The following RASSF1 variants were observed in gnomAD, a reference collection of about 807,000 sequenced individuals.
The protein encoded by RASSF1 is ras association domain-containing protein 1.
RASSF1 carries 33 observed loss-of-function variants against 34.3 expected under a neutral mutation model. That is an observed-to-expected ratio of 0.96 (90% CI 0.73 to 1.29). The LOEUF (loss-of-function observed/expected upper bound fraction) is 1.29. RASSF1 is among the 50% of genes most tolerant of loss of function. The probability of loss-of-function intolerance (pLI) is 0.00; values close to 1 mark genes in which losing one functional copy is unlikely to be tolerated. For synonymous variants in RASSF1, 191 were observed against 195.0 expected (o/e 0.98, Z 0.17); for missense variants, 445 against 471.8 (o/e 0.94, Z 0.53).
At chr3:50,334,477 C>T (rs970796928) in intron 2 of RASSF1, among the ~76,000 whole-genome samples, 21 of 152,134 alleles carry the variant, frequency 1.4e-4, no homozygotes, top group African/African-American at 3.9e-4. Flanking sequence ...AGTACACCAA[C>T]GGGAAGAAGT....
intron 2 of RASSF1, chr3:50,337,236 G>A: frequency 6.2e-7 from 1 of 1,613,162 alleles, no homozygotes; most frequent in South Asian, 1.1e-5. Context: ...CGAGCTCCGA[G>A]TCCGAGTCCT....
chr3:50,332,832 C>T (rs1187451115), intron 2 of RASSF1, among the ~76,000 whole-genome samples: 4 of 152,022 alleles, frequency 2.6e-5, no homozygotes, highest in East Asian at 3.8e-4. Flanking sequence ...CGTTGGCTCA[C>T]GCCTGTAATT....
In RASSF1 at chr3:50,331,598, T is replaced by TG. The variant is rs1344805750; in HGVS notation, c.720dup (p.Lys241GlnfsTer6). 6.2e-7 allele frequency: 1 copy of TG among 1,602,596 alleles called. No homozygotes were observed. Among genetic ancestry groups the TG allele is most frequent in the Non-Finnish European group, 8.5e-7 (1 of 1,170,552 alleles). ...TCAGCGCGCTCAAAGAGTGCAAACT[T>TG]GCGGGGGTCATCCACCACCAAGAAC... On this transcript the variant is annotated frameshift_variant, in exon 4 of 6. Coordinates refer to ENST00000359365, the MANE Select transcript of RASSF1 (RefSeq NM_007182.5). LOFTEE classifies it high-confidence loss of function.
In RASSF1 at chr3:50,330,469, C is replaced by G; in HGVS notation, c.*112G>C. On this transcript the variant is annotated 3_prime_UTR_variant, in exon 6 of 6. Transcript: ENST00000359365. This position sits in a 1 kb window ranked among gnomAD's most constrained non-coding sequence, Gnocchi z 4.5. The stretch of plus-strand genomic sequence containing the variant: ...GTTCTCTGGGCTCATTCCCCCAGCA[C>G]AGGAGGGCCTCCATGCACACTCATT... 7.0e-7 allele frequency: 1 copy of G among 1,435,256 alleles called. No individual in the cohort carries two copies. The highest frequency in any genetic ancestry group is 2.3e-5 in the East Asian group (1 of 43,680). The allele number at this position is 1,435,256 out of a possible 1,614,324, so 88.9% of individuals were successfully genotyped here. A position where few individuals can be genotyped will look rare whatever the true frequency, so the allele number is the denominator to read the frequency against.
chr3:50,336,099 T>C (rs1003352879), intron 2 of RASSF1, among the ~76,000 whole-genome samples: 2 of 152,218 alleles, frequency 1.3e-5, no homozygotes, highest in Admixed American at 1.3e-4. Context: ...TCTTGTGGTT[T>C]TCCCACCTTT....
chr3:50,335,279 A>G (rs1328439293), intron 2 of RASSF1, among the ~76,000 whole-genome samples: 1 of 145,316 alleles, frequency 6.9e-6, no homozygotes, highest in East Asian at 2.0e-4. Flanking sequence ...TTTTTTTAAC[A>G]TATAACTTGG....
chr3:50,329,795 G>A lies in RASSF1; in HGVS notation c.*786C>T, dbSNP rs1207469681. 2.6e-5 allele frequency: 4 copies of A among 152,552 alleles called. No individual in the cohort carries two copies. The highest frequency in any genetic ancestry group is 5.9e-5 in the Non-Finnish European group (4 of 68,032). 9.4% of individuals were successfully genotyped at this position (152,552 alleles called of 1,614,324 possible). ...AAGATTCCAACAGCAGGAGGATCTT[G>A]AAATCTTTATTGAGCCAATTCTCTC... On this transcript the variant is annotated 3_prime_UTR_variant, in exon 6 of 6. Coordinates refer to ENST00000359365, the MANE Select transcript of RASSF1 (RefSeq NM_007182.5).
In RASSF1 at chr3:50,330,458, T is replaced by C. The variant is rs587767625; in HGVS notation, c.*123A>G. ...GCTACTTCGCTGTTCTCTGGGCTCA[T>C]TCCCCCAGCACAGGAGGGCCTCCAT... is the stretch of plus-strand genomic sequence containing the variant. On this transcript the variant is annotated 3_prime_UTR_variant, in exon 6 of 6. Transcript: ENST00000359365. The surrounding 1 kb of genome is among the most constrained non-coding windows in gnomAD (Gnocchi z 4.5). The C allele has an allele frequency of 3.6e-6, 5 of 1,371,630 alleles. No individual in the cohort carries two copies. The highest frequency in any genetic ancestry group is 4.0e-5 in the Admixed American group (2 of 50,312). The allele number at this position is 1,371,630 out of a possible 1,614,324, so 85.0% of individuals were successfully genotyped here.
chr3:50,335,947 G>C (rs1703121347), intron 2 of RASSF1, among the ~76,000 whole-genome samples: 1 of 152,054 alleles, frequency 6.6e-6, no homozygotes, highest in South Asian at 2.1e-4. Context: ...CTGTCACTCA[G>C]GCTGGAGTGC....
intron 2 of RASSF1, 101 bp downstream of exon 2, chr3:50,337,804 A>T: frequency 8.2e-7 from 1 of 1,218,932 alleles, no homozygotes; most frequent in Non-Finnish European, 1.2e-6. Context: ...ATCGGCAATT[A>T]GAACGCTCCT....
intron 1 of RASSF1, among the ~76,000 whole-genome samples, chr3:50,339,525 C>A (rs1036943018): frequency 2.6e-5 from 4 of 151,380 alleles, no homozygotes; most frequent in Non-Finnish European, 4.4e-5. Context: ...GCCACTACGC[C>A]TGGCTCATTT....
chr3:50,340,405 C>G, intron 1 of RASSF1, 151 bp downstream of exon 1: 1 of 1,095,346 alleles, frequency 9.1e-7, no homozygotes, highest in Non-Finnish European at 1.2e-6. Flanking sequence ...AAACCATTTT[C>G]GCGCACTCTT....
Position 50,330,614 on chromosome 3 carries a change from G to C in RASSF1, c.990C>G (p.Ile330Met). ...GGGGGCAGGCGTGCAGGGCCTCTTG[G>C]ATCTTCTGGCGGCAATAGGAGTACT... ...LQKYSYCRQKIQEALHACPLG is the reference protein window; with the variant it reads ...LQKYSYCRQKMQEALHACPLG Residue 330 changes from isoleucine to methionine, a missense_variant, in exon 6 of 6, where the codon ATC becomes ATG. Ile to Met is a conservative substitution (Grantham distance 10, BLOSUM62 1). Transcript: ENST00000359365. This position sits in a 1 kb window ranked among gnomAD's most constrained non-coding sequence, Gnocchi z 4.5. 1 of 1,614,160 alleles carries C rather than the reference G, an allele frequency of 6.2e-7. No homozygotes were observed. Among genetic ancestry groups the C allele is most frequent in the Non-Finnish European group, 8.5e-7 (1 of 1,180,002 alleles).
chr3:50,338,005 T>C lies in RASSF1; in HGVS notation c.257A>G (p.Lys86Arg), dbSNP rs749155440. The part of the protein sequence containing the change: ...VRKGLQCAHC[K>R]FTCHYRCRAL... Reference sequence around the variant, plus strand: ...GCGGCAGCGGTAGTGGCAGGTGAACTTGCAATCTGCAGAGAGGCCTGGCGG... The same window carrying C: ...GCGGCAGCGGTAGTGGCAGGTGAACCTGCAATCTGCAGAGAGGCCTGGCGG... Residue 86 changes from lysine (K) to arginine (R), a missense_variant, in exon 2 of 6, where the codon AAG becomes AGG. Coordinates refer to ENST00000359365, the MANE Select transcript of RASSF1 (RefSeq NM_007182.5). The C allele has an allele frequency of 1.3e-6, 2 of 1,586,876 alleles. No individual in the cohort carries two copies. Among genetic ancestry groups the C allele is most frequent in the South Asian group, 1.1e-5 (1 of 87,504 alleles).
intron 1 of RASSF1, among the ~76,000 whole-genome samples, chr3:50,338,538 C>T (rs1225947294): frequency 2.0e-5 from 3 of 152,226 alleles, no homozygotes; most frequent in Non-Finnish European, 4.4e-5. Context: ...CCTCGGCCTT[C>T]CAAAGTGCTG....
At chr3:50,334,326 A>C (rs34495934) in intron 2 of RASSF1, among the ~76,000 whole-genome samples, 1 of 152,184 alleles carries the variant, frequency 6.6e-6, no homozygotes, top group African/African-American at 2.4e-5. Flanking sequence ...TCCTGGATGG[A>C]GAAGAGCACT....
intron 2 of RASSF1, chr3:50,337,229 G>C: frequency 1.2e-6 from 2 of 1,613,122 alleles, no homozygotes; most frequent in Non-Finnish European, 8.5e-7. Context: ...TACTGCTCGA[G>C]CTCCGAGTCC....
chr3:50,336,836 A>G (rs1011195373), intron 2 of RASSF1: 3 of 329,276 alleles, frequency 9.1e-6, no homozygotes, highest in East Asian at 1.5e-4. Context: ...GGAGCATTCG[A>G]ACGCGGAAAT....
rs112091053 is a variant in RASSF1, at chr3:50,340,698, C to G, written c.108G>C (p.Arg36=). The part of the protein sequence containing the change: ...LERANALRIA[R]GTACNPTRQL... ...GCCGTGTGGGGTTGCACGCGGTGCC[C>G]CGCGCGATGCGCAGCGCGTTGGCAC... Residue 36 remains arginine, a synonymous_variant, in exon 1 of 6, where the codon CGG becomes CGC. Coordinates refer to ENST00000359365, the MANE Select transcript of RASSF1 (RefSeq NM_007182.5). 1.3e-6 allele frequency: 2 copies of G among 1,530,654 alleles called. No individual in the cohort carries two copies. Among genetic ancestry groups the G allele is most frequent in the East Asian group, 2.7e-5 (1 of 37,706 alleles). 94.8% of individuals were successfully genotyped at this position (1,530,654 alleles called of 1,614,324 possible). A position where few individuals can be genotyped will look rare whatever the true frequency, so the allele number is the denominator to read the frequency against.
Sources: allele counts gnomAD v4.1 joint callset (sites outside exome capture counted in the v4.1 genomes callset), GRCh38; gene constraint gnomAD v4.1.1; non-coding constraint Gnocchi (gnomAD v3.1); transcripts MANE v1.5; gene names NCBI Gene and HGNC (gene_info 2026-07-23, HGNC 2026-07-21).